Variants in OR4D9 observed in about 807,000 individuals in gnomAD.
OR4D9 encodes the protein olfactory receptor 4D9.
Under a neutral mutation model 0.8 loss-of-function variants are expected in OR4D9, and 2 were observed. The observed-to-expected ratio is 2.58, with a 90% confidence interval of 1.06 to 8.13. OR4D9 has a LOEUF of 8.13. OR4D9 is among the 30% of genes most tolerant of loss of function. OR4D9 has a pLI of 0.04. For missense variants in OR4D9, 399 were observed against 384.7 expected (o/e 1.04, Z -0.31); for synonymous variants, 146 against 151.2 (o/e 0.97, Z 0.25).
At position 59,515,048 on chromosome 11, in the gene OR4D9, A is replaced by T. The variant is rs2134585729; in HGVS notation, c.136A>T (p.Met46Leu). Residue 46 changes from methionine to leucine, a missense_variant, in exon 3 of 3, where the codon ATG becomes TTG. Transcript: ENST00000641962. Reference sequence around the variant, plus strand: ...AACTCTAATGGGAAACTTCCTCATCATGGTTACAGTTACCTGTGAATCTCA... The same window carrying T: ...AACTCTAATGGGAAACTTCCTCATCTTGGTTACAGTTACCTGTGAATCTCA... ...MTTLMGNFLIMVTVTCESHLH... is the reference protein window; with the variant it reads ...MTTLMGNFLILVTVTCESHLH... The T allele has an allele frequency of 6.2e-7, 1 of 1,614,040 alleles. No homozygotes were observed. The highest frequency in any genetic ancestry group is 2.2e-5 in the East Asian group (1 of 44,878).
rs145873782 is a variant in OR4D9 at position 59,515,449 on chromosome 11, C to T, written c.537C>T (p.Cys179=). The part of the protein sequence containing the change: ...CGPNVLDTFY[C]DVPQVLKLAC... ...CCAATGTTCTTGACACTTTCTACTG[C>T]GATGTCCCCCAGGTCCTCAAACTTG... Residue 179 remains cysteine (C), a synonymous_variant, in exon 3 of 3, where the codon TGC becomes TGT. Coordinates refer to ENST00000641962, the MANE Select transcript of OR4D9 (RefSeq NM_001004711.2). 8.7e-6 allele frequency: 14 copies of T among 1,614,166 alleles called. No homozygotes were observed. The highest frequency in any genetic ancestry group is 1.1e-5 in the Non-Finnish European group (13 of 1,180,040).
rs1310002859 is a variant in OR4D9, at chr11:59,515,367, G to A, written c.455G>A (p.Gly152Asp). ...CTCATCGTGGCTTCCTGGGTGGGGG[G>A]CTTTGTCCACTCCATAGCGCAGATT... is the stretch of plus-strand genomic sequence containing the variant. ...TGLIVASWVGGFVHSIAQISL... is the reference protein window; with the variant it reads ...TGLIVASWVGDFVHSIAQISL... The change falls in exon 3 of 3, where the codon GGC (glycine) becomes GAC (aspartate). Residue 152 changes from glycine (G) to aspartate (D), a missense_variant. Gly to Asp is a moderately conservative substitution (Grantham distance 94). Transcript: ENST00000641962. 1.9e-6 allele frequency: 3 copies of A among 1,613,968 alleles called. No individual in the cohort carries two copies. Among genetic ancestry groups the A allele is most frequent in the Non-Finnish European group, 8.5e-7 (1 of 1,179,994 alleles).
intron 1 of OR4D9, among the ~76,000 whole-genome samples, chr11:59,514,295 C>G (rs976187074): frequency 3.9e-5 from 6 of 152,162 alleles, no homozygotes; most frequent in Admixed American, 6.5e-5. Context: ...TTTTCAGTTT[C>G]TATCTTTTTC....
rs1488802585 is a variant in OR4D9 at position 59,515,455 on chromosome 11, C to T, written c.543C>T (p.Val181=). 8.7e-6 allele frequency: 14 copies of T among 1,614,128 alleles called. No individual in the cohort carries two copies. Among genetic ancestry groups the T allele is most frequent in the South Asian group, 7.7e-5 (7 of 91,074 alleles). The part of the protein sequence containing the change: ...PNVLDTFYCD[V]PQVLKLACTD... ...TTCTTGACACTTTCTACTGCGATGT[C>T]CCCCAGGTCCTCAAACTTGCCTGCA... The change falls in exon 3 of 3, where the codon GTC becomes GTT. Residue 181 remains valine (V), a synonymous_variant. Coordinates refer to ENST00000641962, the MANE Select transcript of OR4D9 (RefSeq NM_001004711.2).
intron 1 of OR4D9, among the ~76,000 whole-genome samples, chr11:59,513,719 G>A (rs992639807): frequency 5.3e-5 from 8 of 152,026 alleles, no homozygotes; most frequent in Admixed American, 1.3e-4. Flanking sequence ...GATCACCCGA[G>A]GCCAGGAGTT....
intron 1 of OR4D9, among the ~76,000 whole-genome samples, chr11:59,514,199 G>A (rs1319835829): frequency 6.6e-6 from 1 of 152,110 alleles, no homozygotes; most frequent in Non-Finnish European, 1.5e-5. Context: ...TAATCAAATA[G>A]CAAAGTGGTT....
rs1293428900 is a variant in OR4D9, at chr11:59,514,890, C to A, written c.-23C>A. On this transcript the variant is annotated 5_prime_UTR_variant, in exon 3 of 3. Coordinates refer to ENST00000641962, the MANE Select transcript of OR4D9 (RefSeq NM_001004711.2). ...CACTATTATTTCTTCCAGAGATGAA[C>A]CTGATAAAGGATCTGTGATTCAATG... 7.0e-7 allele frequency: 1 copy of A among 1,436,252 alleles called. No homozygotes were observed. Among genetic ancestry groups the A allele is most frequent in the Admixed American group, 1.8e-5 (1 of 55,656 alleles). The allele number at this position is 1,436,252 out of a possible 1,614,324, so 89.0% of individuals were successfully genotyped here.
chr11:59,511,804 T>A (rs1196545894), intron 1 of OR4D9, 58 bp downstream of exon 1: 4 of 152,312 alleles, frequency 2.6e-5, no homozygotes, highest in African/African-American at 9.6e-5. Context: ...AGGAAGATGG[T>A]CAGTTGGCTT....
chr11:59,515,482 T>A lies in OR4D9; in HGVS notation c.570T>A (p.Thr190=). 6.2e-7 allele frequency: 1 copy of A among 1,614,216 alleles called. No individual in the cohort carries two copies. Among genetic ancestry groups the A allele is most frequent in the South Asian group, 1.1e-5 (1 of 91,082 alleles). ...DVPQVLKLAC[T]DTFTLELLMI... ...CCCAGGTCCTCAAACTTGCCTGCAC[T>A]GACACCTTCACTCTGGAGCTCCTGA... is the stretch of plus-strand genomic sequence containing the variant. The change falls in exon 3 of 3, where the codon ACT becomes ACA. Residue 190 remains threonine (T), a synonymous_variant. Coordinates refer to ENST00000641962, the MANE Select transcript of OR4D9 (RefSeq NM_001004711.2).
chr11:59,514,471 G>A (rs902499993), intron 1 of OR4D9, among the ~76,000 whole-genome samples: 3 of 152,100 alleles, frequency 2.0e-5, no homozygotes, highest in Non-Finnish European at 4.4e-5. Flanking sequence ...TATATATTCT[G>A]AACATGAGTC....
In OR4D9 at chr11:59,516,379, G is replaced by A. The variant is rs540194658; in HGVS notation, c.*522G>A. 451 of 152,730 alleles carry A rather than the reference G, an allele frequency of 3.0e-3. 4 individuals carry two copies. Among genetic ancestry groups the A allele is most frequent in the Non-Finnish European group, 5.4e-3 (368 of 68,470 alleles). The allele number at this position is 152,730 out of a possible 1,614,324, so 9.5% of individuals were successfully genotyped here. ...CGCATGCCTGTAATCCCAGCTACTCGGAAGGCTGAGGCAGGAGAATCACTT... is the reference window on the plus strand; with the variant it reads ...CGCATGCCTGTAATCCCAGCTACTCAGAAGGCTGAGGCAGGAGAATCACTT... On this transcript the variant is annotated 3_prime_UTR_variant, in exon 3 of 3. Transcript: ENST00000641962.
In OR4D9 at chr11:59,519,759, C is replaced by T. The variant is rs1213111419; in HGVS notation, c.*3902C>T. On this transcript the variant is annotated 3_prime_UTR_variant, in exon 3 of 3. Coordinates refer to ENST00000641962, the MANE Select transcript of OR4D9 (RefSeq NM_001004711.2). ...AATAAATTATTCTACCAAAAAGACA[C>T]ATGCACCTGTATGTTCACAGTAGCA... The T allele has an allele frequency of 6.6e-6, 1 of 152,224 alleles. No homozygotes were observed. The highest frequency in any genetic ancestry group is 1.5e-5 in the Non-Finnish European group (1 of 68,038). The allele number at this position is 152,224 out of a possible 1,614,324, so 9.4% of individuals were successfully genotyped here. A position where few individuals can be genotyped will look rare whatever the true frequency, so the allele number is the denominator to read the frequency against.
Position 59,513,432 on chromosome 11 carries a change from T to C in OR4D9, c.-124-1241T>C, listed in dbSNP as rs564628922. On this transcript the variant is annotated intron_variant, in intron 1 of 2. Transcript: ENST00000641962. ...GAAGCCTCCCTTAGGCTCCCTTCAG[T>C]TTTGTACATATGAATAAAATGGAAG... Among the ~76,000 whole-genome samples the C allele has an allele frequency of 3.6e-3, 543 of 152,292 alleles. 1 individual carries two copies. The highest frequency in any genetic ancestry group is 6.8e-3 in the Middle Eastern group (2 of 294).
Position 59,516,239 on chromosome 11 carries a change from TGG to T in OR4D9, c.*384_*385del, listed in dbSNP as rs1859403035. The T allele has an allele frequency of 6.2e-6, 1 of 162,388 alleles. No homozygotes were observed. Among genetic ancestry groups the T allele is most frequent in the African/African-American group, 2.4e-5 (1 of 41,538 alleles). The allele number at this position is 162,388 out of a possible 1,614,324, so 10.1% of individuals were successfully genotyped here. Reference sequence around the variant, plus strand: ...GCTCACACCTGTAATCCCAGCACTTTGGGAGGCCAAGGCAGGCAGATGACCTG... The same window carrying T: ...GCTCACACCTGTAATCCCAGCACTTTGAGGCCAAGGCAGGCAGATGACCTG... On this transcript the variant is annotated 3_prime_UTR_variant, in exon 3 of 3. Coordinates refer to ENST00000641962, the MANE Select transcript of OR4D9 (RefSeq NM_001004711.2).
Position 59,514,921 on chromosome 11 carries a change from G to C in OR4D9, c.9G>C (p.Gln3His). The C allele has an allele frequency of 6.2e-7, 1 of 1,602,380 alleles. No homozygotes were observed. The highest frequency in any genetic ancestry group is 8.5e-7 in the Non-Finnish European group (1 of 1,171,254). ...AAAGGATCTGTGATTCAATGGATCA[G>C]AGAAATTACACCAGAGTGAAAGAAT... The part of the protein sequence containing the change: MD[Q>H]RNYTRVKEFT... Residue 3 changes from glutamine (Q) to histidine (H), a missense_variant, in exon 3 of 3, where the codon CAG (glutamine) becomes CAC (histidine). Coordinates refer to ENST00000641962, the MANE Select transcript of OR4D9 (RefSeq NM_001004711.2).
Position 59,517,203 on chromosome 11 carries a change from C to A in OR4D9, c.*1346C>A. 1 of 151,866 alleles carries A rather than the reference C, an allele frequency of 6.6e-6. No individual in the cohort carries two copies. The highest frequency in any genetic ancestry group is 2.0e-4 in the South Asian group (1 of 5,104). The allele number at this position is 151,866 out of a possible 1,614,324, so 9.4% of individuals were successfully genotyped here. A position where few individuals can be genotyped will look rare whatever the true frequency, so the allele number is the denominator to read the frequency against. On this transcript the variant is annotated 3_prime_UTR_variant, in exon 3 of 3. Coordinates refer to ENST00000641962, the MANE Select transcript of OR4D9 (RefSeq NM_001004711.2). Reference sequence around the variant, plus strand: ...TGAGCCATGTTCACTTCACTGCACTCCAGCCTGAGCAACAGATCAAGACAC... The same window carrying A: ...TGAGCCATGTTCACTTCACTGCACTACAGCCTGAGCAACAGATCAAGACAC...
At position 59,515,293 on chromosome 11, in the gene OR4D9, C is replaced by A; in HGVS notation, c.381C>A (p.Ser127=). ...VMAFDRYIAI[S]KPLHYMTIMS... ...CGTTTGACCGCTATATAGCCATCTC[C>A]AAGCCCCTGCACTATATGACCATCA... is the stretch of plus-strand genomic sequence containing the variant. Residue 127 remains serine, a synonymous_variant, in exon 3 of 3, where the codon TCC becomes TCA. Coordinates refer to ENST00000641962, the MANE Select transcript of OR4D9 (RefSeq NM_001004711.2). The A allele has an allele frequency of 6.2e-7, 1 of 1,612,334 alleles. No individual in the cohort carries two copies. The highest frequency in any genetic ancestry group is 2.2e-5 in the East Asian group (1 of 44,866).
rs1391871223 is a variant in OR4D9 at position 59,517,855 on chromosome 11, CTG to C, written c.*2000_*2001del. ...CAAAAAAAAAAAAGGAGAAGAATCA[CTG>C]TTGAGGCTGTGGACAGCTCCTTTGA... On this transcript the variant is annotated 3_prime_UTR_variant, in exon 3 of 3. Transcript: ENST00000641962. 1 of 151,986 alleles carries C rather than the reference CTG, an allele frequency of 6.6e-6. No homozygotes were observed. Among genetic ancestry groups the C allele is most frequent in the East Asian group, 1.9e-4 (1 of 5,178 alleles). The allele number at this position is 151,986 out of a possible 1,614,324, so 9.4% of individuals were successfully genotyped here.
chr11:59,515,765 A>G lies in OR4D9; in HGVS notation c.853A>G (p.Ile285Val), dbSNP rs1391682939. 1.5e-5 allele frequency: 24 copies of G among 1,613,970 alleles called. No homozygotes were observed. The East Asian group carries it at 3.3e-4, about 22-fold the overall frequency. ...TGTCATCTCCCCTTTGCTCAATCCT[A>G]TAATTTACACGCTGAGGAATCAGGA... ...FTVISPLLNPIIYTLRNQEMK... is the reference protein window; with the variant it reads ...FTVISPLLNPVIYTLRNQEMK... Residue 285 changes from isoleucine (I) to valine (V), a missense_variant, in exon 3 of 3, where the codon ATA becomes GTA. Coordinates refer to ENST00000641962, the MANE Select transcript of OR4D9 (RefSeq NM_001004711.2).
Sources: gnomAD v4.1 joint callset for allele counts (sites outside exome capture counted in the v4.1 genomes callset) on GRCh38, gnomAD v4.1.1 for gene constraint, MANE v1.5 for transcripts, NCBI Gene and HGNC (gene_info 2026-07-23, HGNC 2026-07-21) for gene names.